Variants in CCDC102B observed in about 807,000 individuals in gnomAD.
CCDC102B encodes the protein coiled-coil domain-containing protein 102B.
CCDC102B carries 75 observed loss-of-function variants against 57.4 expected under a neutral mutation model. The ratio of observed to expected loss-of-function variants is 1.31; its 90% CI spans 1.08 to 1.58. The LOEUF (loss-of-function observed/expected upper bound fraction) is 1.58. CCDC102B is among the 40% of genes most tolerant of loss of function. CCDC102B has a pLI of 0.00. For synonymous variants in CCDC102B, 206 were observed against 201.9 expected, an observed-to-expected ratio of 1.02 and a Z score of -0.17; for missense variants, 636 against 582.6, an observed-to-expected ratio of 1.09 and a Z score of -0.94.
intron 7 of CCDC102B, among the ~76,000 whole-genome samples, chr18:69,035,461 T>G (rs1002387140): frequency 2.6e-5 from 4 of 152,062 alleles, no homozygotes; most frequent in Non-Finnish European, 4.4e-5. Flanking sequence ...ACATTATAAG[T>G]TTTTGGATTC....
At chr18:68,992,093 T>C (rs2050884651) in intron 6 of CCDC102B, among the ~76,000 whole-genome samples, 2 of 152,204 alleles carry the variant, frequency 1.3e-5, no homozygotes, top group Admixed American at 1.3e-4. Flanking sequence ...TTATCCTTTT[T>C]CTTTTCCTTT....
intron 7 of CCDC102B, among the ~76,000 whole-genome samples, chr18:69,015,882 T>C (rs1009746249): frequency 1.3e-5 from 2 of 151,884 alleles, no homozygotes; most frequent in Non-Finnish European, 2.9e-5. Context: ...TGAGATGGAG[T>C]CTCCCTCTGT....
chr18:68,934,719 T>G lies in CCDC102B; in HGVS notation c.1263+37291T>G, dbSNP rs1461480139. Among the ~76,000 whole-genome samples the G allele has an allele frequency of 2.6e-5, 4 of 152,036 alleles. No homozygotes were observed. The East Asian group carries it at 7.7e-4, about 29-fold the overall frequency. ...CAATAGCAATTTTAACAGTGCCTTT[T>G]CTTTGACTTTTTTTTCAGCAAATAC... is the stretch of plus-strand genomic sequence containing the variant. On this transcript the variant is annotated intron_variant, in intron 6 of 7. Transcript: ENST00000360242.
chr18:68,914,327 C>A, intron 6 of CCDC102B, among the ~76,000 whole-genome samples: 1 of 152,058 alleles, frequency 6.6e-6, no homozygotes. Context: ...TGAGTGACTG[C>A]GGGTGTGTGA....
chr18:69,015,151 C>T (rs72959940), intron 7 of CCDC102B, among the ~76,000 whole-genome samples: 3 of 152,098 alleles, frequency 2.0e-5, no homozygotes, highest in African/African-American at 4.8e-5. Context: ...ATTTAGGAAT[C>T]GTAGTATCAC....
intron 6 of CCDC102B, among the ~76,000 whole-genome samples, chr18:68,988,628 C>T (rs1349192879): frequency 6.6e-6 from 1 of 150,992 alleles, no homozygotes; most frequent in Non-Finnish European, 1.5e-5. Context: ...AAATATAATA[C>T]CTGAAAAAGA....
At chr18:68,807,140 C>T (rs1226100950) in intron 1 of CCDC102B, among the ~76,000 whole-genome samples, 2 of 152,096 alleles carry the variant, frequency 1.3e-5, no homozygotes, top group East Asian at 3.8e-4. Flanking sequence ...CTATAGCTCT[C>T]ATGTTATCAT....
intron 5 of CCDC102B, among the ~76,000 whole-genome samples, chr18:68,876,461 T>C (rs981432801): frequency 6.6e-6 from 1 of 152,196 alleles, no homozygotes; most frequent in African/African-American, 2.4e-5. Context: ...CATAGTTAAA[T>C]AGCATTATCT....
At chr18:68,894,260 C>T (rs948007417) in intron 5 of CCDC102B, among the ~76,000 whole-genome samples, 11 of 151,898 alleles carry the variant, frequency 7.2e-5, no homozygotes, top group African/African-American at 2.7e-4. Flanking sequence ...TACTTTTTCT[C>T]GACGTTTAAT....
chr18:69,044,734 G>C (rs2052517180), intron 7 of CCDC102B, among the ~76,000 whole-genome samples: 1 of 152,150 alleles, frequency 6.6e-6, no homozygotes, highest in African/African-American at 2.4e-5. Context: ...CAAAGGAACA[G>C]TAACAGTTGG....
intron 6 of CCDC102B, among the ~76,000 whole-genome samples, chr18:68,934,250 A>G (rs924912850): frequency 2.0e-5 from 3 of 151,966 alleles, no homozygotes; most frequent in East Asian, 1.9e-4. Flanking sequence ...GGCAAACTCT[A>G]TGAAGATTCA....
chr18:69,054,205 T>G lies in CCDC102B; in HGVS notation c.*68T>G, dbSNP rs552572322. ...GACATTTCCATATCCTTTTCTTAAA[T>G]ATCAGTAAAATTGTTTTTATTAACT... On this transcript the variant is annotated 3_prime_UTR_variant, in exon 8 of 8. Coordinates refer to ENST00000360242, the MANE Select transcript of CCDC102B (RefSeq NM_024781.3). 6 of 1,464,896 alleles carry G rather than the reference T, an allele frequency of 4.1e-6. No individual in the cohort carries two copies. Among genetic ancestry groups the G allele is most frequent in the Middle Eastern group, 3.8e-4 (2 of 5,264 alleles). The allele number at this position is 1,464,896 out of a possible 1,614,324, so 90.7% of individuals were successfully genotyped here.
At position 68,902,000 on chromosome 18, in the gene CCDC102B, A is replaced by G. The variant is rs575529595; in HGVS notation, c.1263+4572A>G. Among the ~76,000 whole-genome samples the G allele has an allele frequency of 7.9e-5, 12 of 152,284 alleles. No homozygotes were observed. The South Asian group carries it at 2.1e-3, about 26-fold the overall frequency. On this transcript the variant is annotated intron_variant, in intron 6 of 7. Coordinates refer to ENST00000360242, the MANE Select transcript of CCDC102B (RefSeq NM_024781.3). Reference sequence around the variant, plus strand: ...ATAAGGTCTGAGATTCTGCACTTCTATGAGGCTTCCAGGTGACACTGATTC... The same window carrying G: ...ATAAGGTCTGAGATTCTGCACTTCTGTGAGGCTTCCAGGTGACACTGATTC...
intron 2 of CCDC102B, among the ~76,000 whole-genome samples, chr18:68,776,989 G>T (rs1208993336): frequency 6.6e-6 from 1 of 151,984 alleles, no homozygotes; most frequent in Non-Finnish European, 1.5e-5. Context: ...GTTTGGCTGT[G>T]CAGATAATTT....
chr18:68,923,747 T>TC (rs1321115124), intron 6 of CCDC102B, among the ~76,000 whole-genome samples: 1 of 152,102 alleles, frequency 6.6e-6, no homozygotes, highest in African/African-American at 2.4e-5. Flanking sequence ...AAGCTTGTTG[T>TC]CTTTATATCA....
intron 2 of CCDC102B, among the ~76,000 whole-genome samples, chr18:68,784,459 A>T (rs1238486445): frequency 1.3e-5 from 2 of 152,058 alleles, no homozygotes; most frequent in Non-Finnish European, 2.9e-5. Flanking sequence ...CACCTCCAAC[A>T]CTGGGGATTA....
chr18:68,742,923 G>A (rs2033452753), intron 2 of CCDC102B, among the ~76,000 whole-genome samples: 1 of 152,142 alleles, frequency 6.6e-6, no homozygotes, highest in African/African-American at 2.4e-5. Context: ...ATGCCTGGAT[G>A]TCTGGCTTTA....
chr18:68,773,581 G>A (rs2034712929), intron 2 of CCDC102B, among the ~76,000 whole-genome samples: 1 of 151,758 alleles, frequency 6.6e-6, no homozygotes, highest in Non-Finnish European at 1.5e-5. Context: ...TGGTTTTGAA[G>A]CACTGCTTAA....
chr18:68,947,853 A>G (rs546311285), intron 6 of CCDC102B, among the ~76,000 whole-genome samples: 46 of 152,216 alleles, frequency 3.0e-4, no homozygotes, highest in Non-Finnish European at 4.6e-4. Flanking sequence ...CCTCAGAGCT[A>G]CTTATTTTTA....
Sources: gnomAD v4.1 joint callset for allele counts (sites outside exome capture counted in the v4.1 genomes callset) on GRCh38, gnomAD v4.1.1 for gene constraint, MANE v1.5 for transcripts, NCBI Gene and HGNC (gene_info 2026-07-23, HGNC 2026-07-21) for gene names.